Variants in RBFOX1 observed in about 807,000 individuals in gnomAD.
RBFOX1 encodes RNA binding protein fox-1 homolog 1.
Under a neutral mutation model 57.7 loss-of-function variants are expected in RBFOX1, and 8 were observed. The ratio of observed to expected loss-of-function variants is 0.14; its 90% CI spans 0.08 to 0.25. The LOEUF (loss-of-function observed/expected upper bound fraction) is 0.25, where lower values mean the gene tolerates loss of function less well. RBFOX1 is among the 10% of genes least tolerant of loss of function. RBFOX1 has a pLI of 1.00. For missense variants in RBFOX1, 611 were observed against 548.5 expected, an observed-to-expected ratio of 1.11 and a Z score of -1.14; for synonymous variants, 326 against 222.4, an observed-to-expected ratio of 1.47 and a Z score of -4.15.
At chr16:7,597,184 T>C in intron 8 of RBFOX1, 187 bp from the exon 9 acceptor site, 1 of 497,642 alleles carries the variant, frequency 2.0e-6, no homozygotes, top group Non-Finnish European at 3.5e-6. Context: ...AGTTAAACGG[T>C]TATGAAGTAA....
At chr16:5,345,277 A>G (rs1048806673) in intron 1 of RBFOX1, among the ~76,000 whole-genome samples, 1 of 151,992 alleles carries the variant, frequency 6.6e-6, no homozygotes, top group African/African-American at 2.4e-5. Flanking sequence ...AGTCATGTCC[A>G]AGTCAGGCCA....
At chr16:7,100,237 T>C (rs754418402) in intron 4 of RBFOX1, among the ~76,000 whole-genome samples, 1 of 152,140 alleles carries the variant, frequency 6.6e-6, no homozygotes, top group Non-Finnish European at 1.5e-5. Flanking sequence ...GATATCAGTG[T>C]TGTGAAAAAT....
intron 1 of RBFOX1, among the ~76,000 whole-genome samples, chr16:5,431,796 C>T (rs963668624): frequency 2.0e-5 from 3 of 152,186 alleles, no homozygotes; most frequent in African/African-American, 4.8e-5. Context: ...GAAGCCTGGC[C>T]TCTAAGTCCC....
rs1421658931 is a variant in RBFOX1 at position 7,153,731 on chromosome 16, A to AAC, written c.27+101634_27+101635insCA. Reference sequence around the variant, plus strand: ...GGTGACAGTGAGACAGTGTCTCAAAAAAAAAAAAAATAAGGAAAGAAAGAA... The same window carrying AAC: ...GGTGACAGTGAGACAGTGTCTCAAAAACAAAAAAAAAATAAGGAAAGAAAGAA... On this transcript the variant is annotated intron_variant, in intron 4 of 15. Transcript: ENST00000550418. 7.3e-5 allele frequency among the ~76,000 whole-genome samples: 11 copies of AAC among 151,516 alleles called. No homozygotes were observed. In the East Asian group the frequency reaches 2.1e-3, roughly 29 times the overall value.
chr16:6,163,733 C>T (rs559298335), intron 1 of RBFOX1, among the ~76,000 whole-genome samples: 19 of 152,236 alleles, frequency 1.2e-4, no homozygotes, highest in African/African-American at 4.3e-4. Flanking sequence ...GTAAAAATGC[C>T]AGGTCAGTCT....
At chr16:6,823,702 G>C (rs1312551831) in intron 3 of RBFOX1, among the ~76,000 whole-genome samples, 1 of 151,840 alleles carries the variant, frequency 6.6e-6, no homozygotes, top group East Asian at 1.9e-4. Flanking sequence ...TCATTCATTT[G>C]TTCATTCATT....
chr16:6,932,698 C>T (rs76256256), intron 3 of RBFOX1, among the ~76,000 whole-genome samples: 1 of 152,148 alleles, frequency 6.6e-6, no homozygotes, highest in East Asian at 1.9e-4. Flanking sequence ...TCTCTACTTT[C>T]ACTAATCTCT....
chr16:5,916,573 G>T (rs984251574), intron 4 of RBFOX1, among the ~76,000 whole-genome samples: 1 of 152,062 alleles, frequency 6.6e-6, no homozygotes, highest in African/African-American at 2.4e-5. Context: ...ATTAGGAGGT[G>T]CTGGGTCCTC....
At chr16:6,550,279 C>A (rs539742228) in intron 2 of RBFOX1, among the ~76,000 whole-genome samples, 1 of 152,098 alleles carries the variant, frequency 6.6e-6, no homozygotes. Flanking sequence ...CCAGGTTCAA[C>A]AATTCTCTTG....
At chr16:6,984,562 G>A (rs373304218) in intron 3 of RBFOX1, among the ~76,000 whole-genome samples, 26 of 152,056 alleles carry the variant, frequency 1.7e-4, no homozygotes, top group Non-Finnish European at 3.2e-4. Context: ...ATTGAGTTCC[G>A]GATTCACTGA....
chr16:6,525,450 A>C (rs572925332), intron 2 of RBFOX1, among the ~76,000 whole-genome samples: 1 of 152,344 alleles, frequency 6.6e-6, no homozygotes, highest in Non-Finnish European at 1.5e-5. Flanking sequence ...GTATCTTAAA[A>C]GTCAATGAAG....
intron 3 of RBFOX1, among the ~76,000 whole-genome samples, chr16:6,820,436 C>T (rs938900932): frequency 3.9e-5 from 6 of 152,048 alleles, no homozygotes; most frequent in African/African-American, 7.2e-5. Flanking sequence ...GAGGAAAAAT[C>T]AGTTGAGGCC....
intron 3 of RBFOX1, among the ~76,000 whole-genome samples, chr16:5,617,524 G>A (rs1290625459): frequency 1.3e-5 from 2 of 152,192 alleles, no homozygotes; most frequent in Non-Finnish European, 2.9e-5. Context: ...GTACACAGTA[G>A]CGTCCATTGA....
intron 2 of RBFOX1, among the ~76,000 whole-genome samples, chr16:6,591,601 G>C (rs1004043068): frequency 2.0e-5 from 3 of 152,298 alleles, no homozygotes; most frequent in African/African-American, 7.2e-5. Context: ...AGTCATTTTT[G>C]TCAGATGATA....
intron 4 of RBFOX1, among the ~76,000 whole-genome samples, chr16:6,010,955 T>G (rs35691163): frequency 5.9e-5 from 9 of 152,222 alleles, no homozygotes; most frequent in African/African-American, 2.2e-4. Context: ...GACTATAATT[T>G]ACAGGTATTT....
chr16:7,570,163 C>CTT (rs5815410), intron 5 of RBFOX1, among the ~76,000 whole-genome samples: 63 of 142,410 alleles, frequency 4.4e-4, no homozygotes, highest in South Asian at 6.5e-4. Flanking sequence ...TAAAATTTTA[C>CTT]TTTTTTTTTT....
intron 4 of RBFOX1, among the ~76,000 whole-genome samples, chr16:7,338,335 C>T (rs993665076): frequency 6.6e-6 from 1 of 151,972 alleles, no homozygotes; most frequent in Non-Finnish European, 1.5e-5. Flanking sequence ...CAGAAAAATG[C>T]CAATGTATGC....
In RBFOX1 at chr16:5,984,609, G is replaced by A. The variant is rs969524453; in HGVS notation, c.351+117274G>A. Among the ~76,000 whole-genome samples the A allele has an allele frequency of 1.4e-4, 21 of 151,938 alleles. 1 individual carries two copies. The highest frequency in any genetic ancestry group is 1.3e-3 in the Admixed American group (20 of 15,244). ...CACATTCTGGTATTATCTTACCATG[G>A]GTCTGCACAGGGCTAAGTGCTTTAC... On this transcript the variant is annotated intron_variant, in intron 4 of 19. Transcript: ENST00000641259.
At chr16:6,379,463 C>T (rs549621437) in intron 2 of RBFOX1, among the ~76,000 whole-genome samples, 19 of 152,092 alleles carry the variant, frequency 1.2e-4, no homozygotes, top group African/African-American at 2.9e-4. Context: ...TCACCCTACC[C>T]GCATGAGAAG....
Sources: gnomAD v4.1 joint callset for allele counts (sites outside exome capture counted in the v4.1 genomes callset) on GRCh38, gnomAD v4.1.1 for gene constraint, MANE v1.5 for transcripts, NCBI Gene and HGNC (gene_info 2026-07-23, HGNC 2026-07-21) for gene names.